Variants in CISD1 observed in about 807,000 individuals in gnomAD.
CISD1 encodes CDGSH iron sulfur domain 1.
Under a neutral mutation model 12.0 loss-of-function variants are expected in CISD1, and 8 were observed. The ratio of observed to expected loss-of-function variants is 0.67; its 90% CI spans 0.39 to 1.20. CISD1 has a LOEUF of 1.20. CISD1 is among the 50% of genes most tolerant of loss of function. The probability of loss-of-function intolerance (pLI) is 0.01; values close to 1 mark genes in which losing one functional copy is unlikely to be tolerated. For missense variants in CISD1, 107 were observed against 132.7 expected (o/e 0.81, Z 0.95); for synonymous variants, 38 against 42.2 (o/e 0.90, Z 0.39).
intron 2 of CISD1, chr10:58,282,751 G>A (rs1475758785): frequency 6.6e-6 from 1 of 152,204 alleles, no homozygotes; most frequent in Non-Finnish European, 1.5e-5. Flanking sequence ...AGGGTGGAAG[G>A]AAATGAGAGT....
In CISD1 at chr10:58,269,168, G is replaced by A. The variant is rs1335359318; in HGVS notation, c.-106G>A. 3.3e-5 allele frequency: 40 copies of A among 1,222,894 alleles called. No homozygotes were observed. Among genetic ancestry groups the A allele is most frequent in the Non-Finnish European group, 4.5e-5 (38 of 843,426 alleles). The allele number at this position is 1,222,894 out of a possible 1,614,324, so 75.8% of individuals were successfully genotyped here. ...GCCGCGGCGCCTGCGCGGTAGCATC[G>A]CGGAGTCGGTGCTTTAGTACGCCGC... On this transcript the variant is annotated 5_prime_UTR_variant, in exon 1 of 3. Transcript: ENST00000333926.
chr10:58,281,826 T>A (rs1839376901), intron 2 of CISD1, among the ~76,000 whole-genome samples: 1 of 152,350 alleles, frequency 6.6e-6, no homozygotes, highest in East Asian at 1.9e-4. Flanking sequence ...TGAGCAGGTT[T>A]CCCAACCCTA....
chr10:58,276,476 A>G (rs1839316162), intron 1 of CISD1, among the ~76,000 whole-genome samples: 1 of 151,986 alleles, frequency 6.6e-6, no homozygotes, highest in South Asian at 2.1e-4. Context: ...AATTTTAAAC[A>G]AAGGACTTTT....
At chr10:58,277,023 T>A in intron 1 of CISD1, 94 bp from the exon 2 acceptor site, 1 of 837,552 alleles carries the variant, frequency 1.2e-6, no homozygotes, top group Non-Finnish European at 1.9e-6. Context: ...ATTAGGATGC[T>A]TAATACTCAA....
chr10:58,283,256 G>A (rs780341792), intron 2 of CISD1, among the ~76,000 whole-genome samples: 4 of 152,040 alleles, frequency 2.6e-5, no homozygotes, highest in Non-Finnish European at 5.9e-5. Flanking sequence ...CTGAATGTTG[G>A]TGACATTCCT....
intron 2 of CISD1, among the ~76,000 whole-genome samples, chr10:58,285,977 A>G (rs915669932): frequency 1.1e-4 from 16 of 152,070 alleles, no homozygotes; most frequent in East Asian, 1.9e-4. Context: ...AGGCCGAGGC[A>G]GGCGGATCAC....
intron 1 of CISD1, among the ~76,000 whole-genome samples, chr10:58,270,722 G>C (rs1391672889): frequency 6.6e-6 from 1 of 152,148 alleles, no homozygotes; most frequent in Admixed American, 6.5e-5. Flanking sequence ...GACAAGACAA[G>C]GTTTTTTGTT....
chr10:58,278,230 C>G (rs893063924), intron 2 of CISD1, among the ~76,000 whole-genome samples: 2 of 152,120 alleles, frequency 1.3e-5, no homozygotes, highest in Admixed American at 6.5e-5. Flanking sequence ...TACTATCACT[C>G]TTAGCATTCA....
intron 2 of CISD1, among the ~76,000 whole-genome samples, chr10:58,286,401 C>T (rs1839430536): frequency 6.6e-6 from 1 of 152,082 alleles, no homozygotes; most frequent in African/African-American, 2.4e-5. Flanking sequence ...AAGCAATAGC[C>T]TCCAGTAATG....
In CISD1 at chr10:58,269,240, A is replaced by G. The variant is rs367769431; in HGVS notation, c.-34A>G. Reference sequence around the variant, plus strand: ...CCGCGCGAACCCGTTTGAGCTCGGTATCCTAGTGCACACGCCTTGCAAGCG... The same window carrying G: ...CCGCGCGAACCCGTTTGAGCTCGGTGTCCTAGTGCACACGCCTTGCAAGCG... On this transcript the variant is annotated 5_prime_UTR_variant, in exon 1 of 3. Coordinates refer to ENST00000333926, the MANE Select transcript of CISD1 (RefSeq NM_018464.5). The G allele has an allele frequency of 8.1e-4, 1,306 of 1,605,164 alleles. No individual in the cohort carries two copies. The highest frequency in any genetic ancestry group is 1.0e-3 in the Non-Finnish European group (1,209 of 1,178,948).
rs1461208354 is a variant in CISD1 at position 58,277,322 on chromosome 10, G to A, written c.237G>A (p.Lys79=). Residue 79 remains lysine (K), a splice_region_variant and synonymous_variant, in exon 2 of 3, where the codon AAG becomes AAA. Transcript: ENST00000333926. ...AVYCRCWRSK[K]FPFCDGAHTK... is the part of the protein sequence containing the mutation. ...ACTGCCGTTGTTGGAGGTCCAAAAA[G>A]GTGAGGAAAGCAATTCCTTCATACA... 6.4e-7 allele frequency: 1 copy of A among 1,568,598 alleles called. No homozygotes were observed. Among genetic ancestry groups the A allele is most frequent in the Non-Finnish European group, 8.6e-7 (1 of 1,158,906 alleles).
intron 1 of CISD1, among the ~76,000 whole-genome samples, chr10:58,271,421 C>T (rs1839248233): frequency 6.6e-6 from 1 of 152,178 alleles, no homozygotes; most frequent in Non-Finnish European, 1.5e-5. Flanking sequence ...TAAATCTCTT[C>T]TACCAACATT....
intron 1 of CISD1, among the ~76,000 whole-genome samples, chr10:58,274,433 A>G (rs1839287535): frequency 6.7e-6 from 1 of 148,632 alleles, no homozygotes; most frequent in African/African-American, 2.5e-5. Flanking sequence ...AAGTGATAAA[A>G]TAACAACTTT....
At chr10:58,271,041 C>CTTTTTTT (rs752640135) in intron 1 of CISD1, among the ~76,000 whole-genome samples, 1,262 of 112,548 alleles carry the variant, frequency 0.011, 23 homozygotes, top group African/African-American at 0.042. Flanking sequence ...GTTGCCATGA[C>CTTTTTTT]TATTTTTTTT....
In CISD1 at chr10:58,277,191, G is replaced by C. The variant is rs774331969; in HGVS notation, c.106G>C (p.Val36Leu). ...TTATCTAGCTTACAAAAGATTTTAT[G>C]TTAAAGATCATCGAAATAAAGCTAT... ...IGYLAYKRFY[V>L]KDHRNKAMIN... Residue 36 changes from valine to leucine, a missense_variant, in exon 2 of 3, where the codon GTT becomes CTT. Transcript: ENST00000333926. 1 of 1,612,694 alleles carries C rather than the reference G, an allele frequency of 6.2e-7. No individual in the cohort carries two copies. The highest frequency in any genetic ancestry group is 1.3e-5 in the African/African-American group (1 of 74,942).
chr10:58,289,019 G>T lies in CISD1; in HGVS notation c.*1369G>T, dbSNP rs776039487. ...GTTTTGTGTATTACTGTAGATAAAA[G>T]TTGGTAACAAAATTGTACAGTGGTT... is the stretch of plus-strand genomic sequence containing the variant. On this transcript the variant is annotated 3_prime_UTR_variant, in exon 3 of 3. Coordinates refer to ENST00000333926, the MANE Select transcript of CISD1 (RefSeq NM_018464.5). 4.6e-5 allele frequency: 7 copies of T among 152,258 alleles called. No homozygotes were observed. The East Asian group carries it at 1.3e-3, about 29-fold the overall frequency. The allele number at this position is 152,258 out of a possible 1,614,324, so 9.4% of individuals were successfully genotyped here. A position where few individuals can be genotyped will look rare whatever the true frequency, so the allele number is the denominator to read the frequency against.
chr10:58,272,918 C>CA lies in CISD1; in HGVS notation c.31+3622dup, dbSNP rs752506542. 1.9e-4 allele frequency among the ~76,000 whole-genome samples: 29 copies of CA among 150,562 alleles called. No individual in the cohort carries two copies. The South Asian group carries it at 5.0e-3, about 26-fold the overall frequency. On this transcript the variant is annotated intron_variant, in intron 1 of 2. Transcript: ENST00000333926. ...TGGGCAACAGTGCGAGACTCCATCG[C>CA]AAAAAAAAGAAAAATAAGGGGGGAG...
At chr10:58,278,339 G>T (rs1019043190) in intron 2 of CISD1, among the ~76,000 whole-genome samples, 2 of 152,024 alleles carry the variant, frequency 1.3e-5, no homozygotes, top group African/African-American at 2.4e-5. Flanking sequence ...TTCAAGAGCA[G>T]CCTGGGCAAC....
At chr10:58,277,054 C>A in intron 1 of CISD1, 63 bp from the exon 2 acceptor site, 1 of 1,153,630 alleles carries the variant, frequency 8.7e-7, no homozygotes, top group Non-Finnish European at 1.2e-6. Flanking sequence ...TTCTGACATG[C>A]ATGTGATATT....
Sources: allele counts gnomAD v4.1 joint callset (sites outside exome capture counted in the v4.1 genomes callset), GRCh38; gene constraint gnomAD v4.1.1; transcripts MANE v1.5; gene names NCBI Gene and HGNC (gene_info 2026-07-23, HGNC 2026-07-21).